Variants in PRDM5 observed in about 807,000 individuals in gnomAD.
PRDM5 encodes the protein PR/SET domain 5.
A neutral mutation model predicts 81.2 loss-of-function variants in PRDM5; 56 were observed. The observed-to-expected ratio is 0.69, with a 90% confidence interval of 0.56 to 0.86. The LOEUF (loss-of-function observed/expected upper bound fraction) is 0.86. Ranked by LOEUF, PRDM5 falls within the 40% of genes least tolerant of loss-of-function variation. PRDM5 has a pLI of 0.00. For synonymous variants in PRDM5, 267 were observed against 256.4 expected, an observed-to-expected ratio of 1.04 and a Z score of -0.39; for missense variants, 697 against 770.1, an observed-to-expected ratio of 0.91 and a Z score of 1.12.
chr4:120,686,360 T>C (rs760904764), intron 1 of PRDM5, among the ~76,000 whole-genome samples: 6 of 152,150 alleles, frequency 3.9e-5, no homozygotes, highest in Admixed American at 1.3e-4. Context: ...AACTAAAATA[T>C]ATTTTGTAAC....
At chr4:120,881,998 T>C (rs1762895632) in intron 2 of PRDM5, among the ~76,000 whole-genome samples, 1 of 152,146 alleles carries the variant, frequency 6.6e-6, no homozygotes, top group Non-Finnish European at 1.5e-5. Flanking sequence ...ATATGAAAAA[T>C]ATTTATTGTG....
intron 3 of PRDM5, among the ~76,000 whole-genome samples, chr4:120,842,924 A>G (rs1310788022): frequency 6.6e-6 from 1 of 152,212 alleles, no homozygotes; most frequent in South Asian, 2.1e-4. Context: ...ATATGGAAAG[A>G]ATATATGAGC....
intron 13 of PRDM5, among the ~76,000 whole-genome samples, chr4:120,756,602 T>C (rs1744778604): frequency 6.6e-6 from 1 of 152,192 alleles, no homozygotes; most frequent in African/African-American, 2.4e-5. Flanking sequence ...ATCTTAATCA[T>C]TTAACCTTGA....
At chr4:120,714,944 T>A (rs1161473463) in intron 14 of PRDM5, among the ~76,000 whole-genome samples, 1 of 152,166 alleles carries the variant, frequency 6.6e-6, no homozygotes, top group Non-Finnish European at 1.5e-5. Context: ...AAGAAAGCTT[T>A]CCCTAGCCAG....
chr4:120,819,323 T>G (rs547751793), intron 4 of PRDM5, among the ~76,000 whole-genome samples: 5 of 152,218 alleles, frequency 3.3e-5, no homozygotes, highest in Non-Finnish European at 4.4e-5. Context: ...CACAATTTAT[T>G]TAACCAAACT....
intron 14 of PRDM5, among the ~76,000 whole-genome samples, chr4:120,742,977 T>A (rs1161769149): frequency 6.6e-6 from 1 of 151,702 alleles, no homozygotes; most frequent in Non-Finnish European, 1.5e-5. Flanking sequence ...CACATAATTG[T>A]CAGATTCACC....
chr4:120,716,616 T>TTCAG (rs1737787395), intron 14 of PRDM5, among the ~76,000 whole-genome samples: 1 of 152,228 alleles, frequency 6.6e-6, no homozygotes, highest in Non-Finnish European at 1.5e-5. Context: ...GCACTATTCC[T>TTCAG]GAAGATATCA....
Position 120,818,366 on chromosome 4 carries a change from C to T in PRDM5, c.637G>A (p.Ala213Thr), listed in dbSNP as rs1442614837. Residue 213 changes from alanine (A) to threonine (T), a missense_variant, in exon 5 of 16, where the codon GCT becomes ACT. By Grantham distance (58) the Ala-to-Thr change is moderately conservative (BLOSUM62 0). Transcript: ENST00000264808. ...TAATATACGCACTGTCTTTGCAAAGCCTGCTTAACTGGGAATTTCTTCCCA... is the reference window on the plus strand; with the variant it reads ...TAATATACGCACTGTCTTTGCAAAGTCTGCTTAACTGGGAATTTCTTCCCA... ...NCGKKFPVKQ[A>T]LQRHVLQCTA... is the part of the protein sequence containing the mutation. 3 of 1,613,908 alleles carry T rather than the reference C, an allele frequency of 1.9e-6. No individual in the cohort carries two copies. Among genetic ancestry groups the T allele is most frequent in the Non-Finnish European group, 2.5e-6 (3 of 1,179,850 alleles).
rs1051240204 is a variant in PRDM5 at position 120,736,799 on chromosome 4, T to C, written c.1623+17754A>G. Among the ~76,000 whole-genome samples the C allele has an allele frequency of 2.6e-5, 4 of 152,200 alleles. 1 individual carries two copies. The highest frequency in any genetic ancestry group is 4.1e-4 in the South Asian group (2 of 4,830). ...ATCCAGGTATCCAAGAAACACAGTC[T>C]TTAGATCAATGAGCACAATCTCTGG... On this transcript the variant is annotated intron_variant, in intron 14 of 15. Transcript: ENST00000264808.
rs967914035 is a variant in PRDM5, at chr4:120,765,094, A to C, written c.1538-10456T>G. ...TTGGACAAATATTCTAAAAAGAATAAATTATTTCCTTTAAAAAAGCATTCA... is the reference window on the plus strand; with the variant it reads ...TTGGACAAATATTCTAAAAAGAATACATTATTTCCTTTAAAAAAGCATTCA... On this transcript the variant is annotated intron_variant, in intron 13 of 15. Coordinates refer to ENST00000264808, the MANE Select transcript of PRDM5 (RefSeq NM_018699.4). Among the ~76,000 whole-genome samples the C allele has an allele frequency of 7.9e-4, 120 of 152,306 alleles. 2 individuals are homozygous for C. Among genetic ancestry groups the C allele is most frequent in the African/African-American group, 2.8e-3 (117 of 41,580 alleles).
chr4:120,758,107 A>G (rs1488206371), intron 13 of PRDM5, among the ~76,000 whole-genome samples: 4 of 152,156 alleles, frequency 2.6e-5, no homozygotes, highest in Non-Finnish European at 5.9e-5. Context: ...CTTCAAACTC[A>G]GGCTATATTA....
At chr4:120,904,935 T>C (rs191257185) in intron 2 of PRDM5, among the ~76,000 whole-genome samples, 4 of 152,298 alleles carry the variant, frequency 2.6e-5, no homozygotes, top group East Asian at 1.9e-4. Context: ...AAAAACCTGT[T>C]AAAAATGTAG....
intron 2 of PRDM5, among the ~76,000 whole-genome samples, chr4:120,880,304 T>C (rs1217344822): frequency 2.0e-5 from 3 of 152,152 alleles, no homozygotes; most frequent in African/African-American, 7.2e-5. Flanking sequence ...TCCATAAATA[T>C]GACCTATACT....
chr4:120,849,323 T>C (rs1456113822), intron 3 of PRDM5, among the ~76,000 whole-genome samples: 5 of 152,166 alleles, frequency 3.3e-5, no homozygotes, highest in African/African-American at 1.2e-4. Flanking sequence ...GATAAATTGT[T>C]TATGACTATC....
chr4:120,698,130 A>G (rs1734794607), intron 15 of PRDM5, among the ~76,000 whole-genome samples: 1 of 151,304 alleles, frequency 6.6e-6, no homozygotes, highest in African/African-American at 2.4e-5. Context: ...GGAATGAAAA[A>G]ATGCAGTTAG....
intron 13 of PRDM5, chr4:120,762,673 T>C (rs1745798704): frequency 6.6e-6 from 1 of 152,154 alleles, no homozygotes; most frequent in Non-Finnish European, 1.5e-5. Context: ...AATGCTACAC[T>C]GACAAATAGG....
At chr4:120,804,652 A>T (rs1468481098) in intron 8 of PRDM5, among the ~76,000 whole-genome samples, 3 of 152,132 alleles carry the variant, frequency 2.0e-5, no homozygotes, top group Non-Finnish European at 2.9e-5. Flanking sequence ...TTGAAACCAA[A>T]GAGAACAAAG....
chr4:120,790,493 A>G (rs775920596), intron 10 of PRDM5, among the ~76,000 whole-genome samples: 59 of 152,216 alleles, frequency 3.9e-4, no homozygotes, highest in Non-Finnish European at 7.5e-4. Flanking sequence ...CCTCTAGTAG[A>G]TAACTTGTTT....
chr4:120,735,464 A>C (rs1740970226), intron 14 of PRDM5, among the ~76,000 whole-genome samples: 1 of 152,122 alleles, frequency 6.6e-6, no homozygotes, highest in South Asian at 2.1e-4. Context: ...CCTGAGAGTT[A>C]TGTGATAGAC....
Sources: gnomAD v4.1 joint callset for allele counts (sites outside exome capture counted in the v4.1 genomes callset) on GRCh38, gnomAD v4.1.1 for gene constraint, MANE v1.5 for transcripts, NCBI Gene and HGNC (gene_info 2026-07-23, HGNC 2026-07-21) for gene names.